PTPRN2: variants seen among roughly 807,000 people sequenced by gnomAD.
PTPRN2 encodes the protein protein tyrosine phosphatase receptor type N2, also known as receptor-type tyrosine-protein phosphatase N2.
A neutral mutation model predicts 118.8 loss-of-function variants in PTPRN2; 74 were observed. The ratio of observed to expected loss-of-function variants is 0.62; its 90% confidence interval spans 0.52 to 0.76. The LOEUF (loss-of-function observed/expected upper bound fraction) is 0.76. Ranked by LOEUF, PTPRN2 falls within the 30% of genes least tolerant of loss-of-function variation. The pLI is 0.00. For missense variants in PTPRN2, 1,481 were observed against 1,394.4 expected (o/e 1.06, Z -0.99); for synonymous variants, 641 against 608.0 (o/e 1.05, Z -0.80).
At chr7:158,164,111 A>C (rs1201855943) in intron 6 of PTPRN2, among the ~76,000 whole-genome samples, 1 of 151,900 alleles carries the variant, frequency 6.6e-6, no homozygotes, top group East Asian at 1.9e-4. Context: ...GAGCACGGTC[A>C]GGACGCTTGT....
chr7:157,572,309 A>C (rs1799793973), intron 19 of PTPRN2, among the ~76,000 whole-genome samples: 1 of 152,246 alleles, frequency 6.6e-6, no homozygotes, highest in Admixed American at 6.5e-5. Flanking sequence ...GGTTATTGGA[A>C]TAAAGCATGT....
intron 3 of PTPRN2, among the ~76,000 whole-genome samples, chr7:158,244,835 A>G (rs142751058): frequency 2.0e-5 from 1 of 50,602 alleles, no homozygotes; most frequent in South Asian, 7.3e-4. Flanking sequence ...TGAGTTGTGC[A>G]CATGTGAGTG....
At chr7:158,398,582 A>G (rs905339755) in intron 2 of PTPRN2, among the ~76,000 whole-genome samples, 6 of 152,240 alleles carry the variant, frequency 3.9e-5, no homozygotes, top group Admixed American at 3.9e-4. Flanking sequence ...TTTAAACATC[A>G]TGCTTGCACA....
At chr7:157,853,906 T>C (rs1809481743) in intron 12 of PTPRN2, among the ~76,000 whole-genome samples, 1 of 151,990 alleles carries the variant, frequency 6.6e-6, no homozygotes, top group Non-Finnish European at 1.5e-5. Flanking sequence ...GGGGTCCTTA[T>C]CAAAGGCGGA....
chr7:157,993,427 T>G (rs2128848299), intron 11 of PTPRN2, among the ~76,000 whole-genome samples: 1 of 151,978 alleles, frequency 6.6e-6, no homozygotes, highest in East Asian at 1.9e-4. Flanking sequence ...CCCCATGTGC[T>G]TTTTTTTCCT....
chr7:158,429,325 G>A (rs775665738), intron 2 of PTPRN2, among the ~76,000 whole-genome samples: 5 of 152,202 alleles, frequency 3.3e-5, no homozygotes, highest in Non-Finnish European at 7.3e-5. Context: ...GGAAACCTTA[G>A]GAAGGTGGTG....
chr7:158,479,234 C>T (rs1014959100), intron 2 of PTPRN2, among the ~76,000 whole-genome samples: 6 of 152,010 alleles, frequency 3.9e-5, no homozygotes, highest in African/African-American at 1.4e-4. Flanking sequence ...AGTGGGGCGG[C>T]GTGGCACAGG....
In PTPRN2 at chr7:157,595,335, C is replaced by T. The variant is rs773414527; in HGVS notation, c.2419-20G>A. 1.2e-6 allele frequency: 2 copies of T among 1,610,274 alleles called. No homozygotes were observed. The highest frequency in any genetic ancestry group is 2.2e-5 in the South Asian group (2 of 90,934). ...ATCCATCTGCAGAGACAAGACCACA[C>T]CACAGCGGTTAGCCAGGAGATTAGG... On this transcript the variant is annotated intron_variant, in intron 16 of 22. Coordinates refer to ENST00000389418, the MANE Select transcript of PTPRN2 (RefSeq NM_002847.5).
intron 1 of PTPRN2, among the ~76,000 whole-genome samples, chr7:158,527,136 G>A (rs1013645565): frequency 6.6e-6 from 1 of 152,130 alleles, no homozygotes; most frequent in South Asian, 2.1e-4. Context: ...GCATCCCTCC[G>A]AGGATCCCCC....
intron 1 of PTPRN2, among the ~76,000 whole-genome samples, chr7:158,528,480 A>G (rs1222667310): frequency 3.3e-5 from 5 of 152,200 alleles, no homozygotes; most frequent in South Asian, 4.2e-4. Context: ...CCTACATTTC[A>G]GCTGATTTAG....
intron 2 of PTPRN2, among the ~76,000 whole-genome samples, chr7:158,393,223 A>AAGGCCGAAACCCAG (rs1586557993): frequency 1.3e-5 from 2 of 152,204 alleles, no homozygotes; most frequent in Non-Finnish European, 2.9e-5. Context: ...CGTCTTTAAA[A>AAGGCCGAAACCCAG]AGGCCGAAAC....
chr7:158,129,994 T>G (rs1818038947), intron 9 of PTPRN2, among the ~76,000 whole-genome samples: 2 of 152,204 alleles, frequency 1.3e-5, no homozygotes, highest in Non-Finnish European at 2.9e-5. Context: ...AGTGTAAGCT[T>G]CAAGTTTCTG....
At chr7:157,767,464 C>T (rs146184632) in intron 12 of PTPRN2, among the ~76,000 whole-genome samples, 2 of 152,316 alleles carry the variant, frequency 1.3e-5, no homozygotes, top group Admixed American at 6.5e-5. Flanking sequence ...TTTGCCTTTG[C>T]GTACAAATGG....
intron 11 of PTPRN2, among the ~76,000 whole-genome samples, chr7:158,031,643 A>C (rs1302526699): frequency 1.3e-5 from 2 of 152,264 alleles, no homozygotes; most frequent in Admixed American, 1.3e-4. Flanking sequence ...GAGGGCAAGC[A>C]GAGGATATTC....
chr7:157,665,257 G>T (rs1397654139), intron 13 of PTPRN2, among the ~76,000 whole-genome samples: 1 of 152,212 alleles, frequency 6.6e-6, no homozygotes, highest in Non-Finnish European at 1.5e-5. Flanking sequence ...TTTATGATCC[G>T]CGACTATGCA....
chr7:158,120,735 C>T (rs967439452), intron 9 of PTPRN2, among the ~76,000 whole-genome samples: 1 of 152,208 alleles, frequency 6.6e-6, no homozygotes, highest in African/African-American at 2.4e-5. Flanking sequence ...CAGGTCAGCT[C>T]CTGTCCCAAA....
chr7:158,454,445 G>A (rs550878204), intron 2 of PTPRN2, among the ~76,000 whole-genome samples: 31 of 149,634 alleles, frequency 2.1e-4, no homozygotes, highest in African/African-American at 7.4e-4. Context: ...AATCACTGAT[G>A]TGAGGATTGG....
intron 11 of PTPRN2, among the ~76,000 whole-genome samples, chr7:158,037,193 A>G (rs1808141890): frequency 6.6e-6 from 1 of 152,268 alleles, no homozygotes; most frequent in Non-Finnish European, 1.5e-5. Context: ...AGAACTTTAC[A>G]TTTAAAAATA....
At chr7:158,367,543 G>C (rs1018258659) in intron 2 of PTPRN2, among the ~76,000 whole-genome samples, 6 of 152,188 alleles carry the variant, frequency 3.9e-5, no homozygotes, top group Non-Finnish European at 8.8e-5. Flanking sequence ...CTGGCTCCTG[G>C]GGAGCACGTC....
Sources: gnomAD v4.1 joint callset for allele counts (sites outside exome capture counted in the v4.1 genomes callset) on GRCh38, gnomAD v4.1.1 for gene constraint, MANE v1.5 for transcripts, NCBI Gene and HGNC (gene_info 2026-07-23, HGNC 2026-07-21) for gene names.